ZNF804A: variants seen among roughly 807,000 people sequenced by gnomAD.
The protein encoded by ZNF804A is zinc finger protein 804A.
ZNF804A carries 2 observed loss-of-function variants against 16.5 expected under a neutral mutation model. That is an observed-to-expected ratio of 0.12 (90% CI 0.05 to 0.38). The LOEUF is 0.38. Among genes scored for constraint, ZNF804A ranks in the 10% least tolerant of loss-of-function variants. The pLI, the probability that ZNF804A is intolerant of heterozygous loss-of-function variation, is 0.99. For synonymous variants in ZNF804A, 534 were observed against 489.6 expected (o/e 1.09, Z -1.20); for missense variants, 1,473 against 1,390.7 (o/e 1.06, Z -0.94).
intron 1 of ZNF804A, among the ~76,000 whole-genome samples, chr2:184,604,318 C>T (rs1390566371): frequency 6.6e-6 from 1 of 151,204 alleles, no homozygotes; most frequent in Non-Finnish European, 1.5e-5. Context: ...CTACAGGTGC[C>T]CGCCATCGCG....
At chr2:184,767,111 C>G (rs185679955) in intron 1 of ZNF804A, among the ~76,000 whole-genome samples, 1 of 152,100 alleles carries the variant, frequency 6.6e-6, no homozygotes, top group Non-Finnish European at 1.5e-5. Flanking sequence ...GGATTTCCGG[C>G]CTCCAAGACT....
intron 1 of ZNF804A, among the ~76,000 whole-genome samples, chr2:184,792,882 G>T (rs1694571833): frequency 6.6e-6 from 1 of 152,056 alleles, no homozygotes; most frequent in African/African-American, 2.4e-5. Flanking sequence ...CCCAGGTAGT[G>T]AGCATAGTAC....
intron 1 of ZNF804A, among the ~76,000 whole-genome samples, chr2:184,625,606 A>T (rs1187112422): frequency 1.3e-5 from 2 of 152,184 alleles, no homozygotes; most frequent in Non-Finnish European, 2.9e-5. Context: ...TAAGATGAAT[A>T]TATTTTCATA....
intron 1 of ZNF804A, among the ~76,000 whole-genome samples, chr2:184,720,691 T>C (rs1693298782): frequency 6.6e-6 from 1 of 152,084 alleles, no homozygotes; most frequent in African/African-American, 2.4e-5. Flanking sequence ...CCCAAAGCAA[T>C]ATACAGATTC....
rs888091527 is a variant in ZNF804A, at chr2:184,718,491, C to T, written c.111+119421C>T. 4.6e-5 allele frequency among the ~76,000 whole-genome samples: 7 copies of T among 152,266 alleles called. No homozygotes were observed. The East Asian group carries it at 1.2e-3, about 25-fold the overall frequency. The stretch of plus-strand genomic sequence containing the variant: ...GACTCATCTGAGACAAGGCAAGTCC[C>T]TTCTACCTATGAGCCTATGAAATAA... On this transcript the variant is annotated intron_variant, in intron 1 of 3. Transcript: ENST00000302277.
At chr2:184,816,559 C>G (rs1170381259) in intron 1 of ZNF804A, among the ~76,000 whole-genome samples, 2 of 151,924 alleles carry the variant, frequency 1.3e-5, no homozygotes, top group African/African-American at 4.8e-5. Context: ...TCCTTTTTAT[C>G]TTCTTCATGA....
chr2:184,885,204 G>A (rs1684869648), intron 2 of ZNF804A, among the ~76,000 whole-genome samples: 1 of 152,056 alleles, frequency 6.6e-6, no homozygotes, highest in Admixed American at 6.6e-5. Context: ...CTCTAGCAAG[G>A]TTGCTGAAAA....
At position 184,731,931 on chromosome 2, in the gene ZNF804A, T is replaced by G. The variant is rs143830109; in HGVS notation, c.111+132861T>G. 2.7e-3 allele frequency among the ~76,000 whole-genome samples: 410 copies of G among 152,262 alleles called. 1 individual carries two copies. The highest frequency in any genetic ancestry group is 4.3e-3 in the Non-Finnish European group (291 of 68,004). ...ATCCTTATTAATAAACTGTTAATGT[T>G]TCTTTGTATATTTTGATAACAGGCC... On this transcript the variant is annotated intron_variant, in intron 1 of 3. Transcript: ENST00000302277.
At chr2:184,689,903 C>T (rs1016144084) in intron 1 of ZNF804A, among the ~76,000 whole-genome samples, 5 of 151,956 alleles carry the variant, frequency 3.3e-5, no homozygotes, top group African/African-American at 1.2e-4. Context: ...ATAAAAGAAT[C>T]AGGCAGTTAG....
intron 1 of ZNF804A, among the ~76,000 whole-genome samples, chr2:184,718,067 A>G (rs1693242915): frequency 6.6e-6 from 1 of 152,200 alleles, no homozygotes; most frequent in Admixed American, 6.5e-5. Flanking sequence ...TACAAAAGAA[A>G]GAGGTTTATT....
intron 1 of ZNF804A, among the ~76,000 whole-genome samples, chr2:184,778,648 T>G (rs1694327975): frequency 6.6e-6 from 1 of 151,644 alleles, no homozygotes; most frequent in South Asian, 2.1e-4. Flanking sequence ...TAACCAGAAA[T>G]TTTAAGGTAT....
rs73980312 is a variant in ZNF804A at position 184,778,692 on chromosome 2, A to G, written c.112-87677A>G. 2.1e-3 allele frequency among the ~76,000 whole-genome samples: 316 copies of G among 151,864 alleles called. 3 individuals are homozygous for G. Among genetic ancestry groups the G allele is most frequent in the African/African-American group, 7.4e-3 (306 of 41,494 alleles). On this transcript the variant is annotated intron_variant, in intron 1 of 3. Coordinates refer to ENST00000302277, the MANE Select transcript of ZNF804A (RefSeq NM_194250.2). ...TCCAAAGCAACACCAGGCATTCTTT[A>G]ATAATGTGCTATTATATACAGTTAT...
In ZNF804A at chr2:184,840,463, A is replaced by G. The variant is rs1695419557; in HGVS notation, c.112-25906A>G. 3.3e-5 allele frequency among the ~76,000 whole-genome samples: 5 copies of G among 152,086 alleles called. No homozygotes were observed. The South Asian group carries it at 1.0e-3, about 32-fold the overall frequency. On this transcript the variant is annotated intron_variant, in intron 1 of 3. Coordinates refer to ENST00000302277, the MANE Select transcript of ZNF804A (RefSeq NM_194250.2). ...TCTGCAAAAATCAGTTTAAAATCAA[A>G]CTTTTGTTTCCAGTGTTCAAGAAAT... is the stretch of plus-strand genomic sequence containing the variant.
At chr2:184,837,868 C>T (rs1338931302) in intron 1 of ZNF804A, among the ~76,000 whole-genome samples, 2 of 152,102 alleles carry the variant, frequency 1.3e-5, no homozygotes, top group Non-Finnish European at 2.9e-5. Flanking sequence ...CAGTGGAAGC[C>T]TTCTCAGTGG....
At chr2:184,826,559 AAC>A (rs1695171588) in intron 1 of ZNF804A, among the ~76,000 whole-genome samples, 1 of 152,100 alleles carries the variant, frequency 6.6e-6, no homozygotes, top group African/African-American at 2.4e-5. Context: ...ATTCCTTAAA[AAC>A]ACAAACAAAA....
intron 1 of ZNF804A, among the ~76,000 whole-genome samples, chr2:184,619,303 A>G (rs753770754): frequency 2.0e-5 from 3 of 152,090 alleles, no homozygotes; most frequent in Non-Finnish European, 4.4e-5. Flanking sequence ...AGAAGCTTTT[A>G]TTTAAAAATA....
chr2:184,828,710 A>G (rs1695211522), intron 1 of ZNF804A, among the ~76,000 whole-genome samples: 1 of 151,872 alleles, frequency 6.6e-6, no homozygotes, highest in African/African-American at 2.4e-5. Flanking sequence ...AATTAGGCCC[A>G]TTCTACATCT....
chr2:184,868,228 T>C (rs922239370), intron 2 of ZNF804A, among the ~76,000 whole-genome samples: 5 of 152,126 alleles, frequency 3.3e-5, no homozygotes, highest in Non-Finnish European at 7.4e-5. Context: ...AATTGATTAA[T>C]TCAATGTGAT....
chr2:184,758,122 GA>G (rs1443098603), intron 1 of ZNF804A, among the ~76,000 whole-genome samples: 1 of 151,910 alleles, frequency 6.6e-6, no homozygotes, highest in Non-Finnish European at 1.5e-5. Flanking sequence ...CTACTATGGG[GA>G]AATTTGACAT....
Sources: gnomAD v4.1 joint callset for allele counts (sites outside exome capture counted in the v4.1 genomes callset) on GRCh38, gnomAD v4.1.1 for gene constraint, MANE v1.5 for transcripts, NCBI Gene and HGNC (gene_info 2026-07-23, HGNC 2026-07-21) for gene names.